Variants in RASL11B observed in about 807,000 individuals in gnomAD.
The protein encoded by RASL11B is ras-like protein family member 11B.
A neutral mutation model predicts 22.9 loss-of-function variants in RASL11B; 14 were observed. That is an observed-to-expected ratio of 0.61 (90% CI 0.40 to 0.96). The LOEUF (loss-of-function observed/expected upper bound fraction) is 0.96. Among genes scored for constraint, RASL11B ranks in the 40% least tolerant of loss-of-function variants. RASL11B has a pLI of 0.00. For missense variants in RASL11B, 261 were observed against 322.0 expected (o/e 0.81, Z 1.45); for synonymous variants, 143 against 130.2 (o/e 1.10, Z -0.67).
chr4:52,863,562 G>A (rs1718202789), intron 2 of RASL11B: 1 of 548,120 alleles, frequency 1.8e-6, no homozygotes, highest in Non-Finnish European at 3.3e-6. Context: ...ATTCCCCTTG[G>A]TATGTTTTAA....
intron 1 of RASL11B, among the ~76,000 whole-genome samples, chr4:52,862,944 G>T (rs1328390628): frequency 6.6e-6 from 1 of 151,088 alleles, no homozygotes; most frequent in African/African-American, 2.4e-5. Context: ...ACAGAAAGGG[G>T]AGTTAGTGAA....
chr4:52,865,964 G>A lies in RASL11B; in HGVS notation c.*159G>A, dbSNP rs1577784082. 6.4e-6 allele frequency: 4 copies of A among 623,896 alleles called. No homozygotes were observed. The highest frequency in any genetic ancestry group is 5.5e-5 in the East Asian group (2 of 36,620). 38.6% of individuals were successfully genotyped at this position (623,896 alleles called of 1,614,324 possible). On this transcript the variant is annotated 3_prime_UTR_variant, in exon 4 of 4. Transcript: ENST00000248706. ...GTGGAACTGCTACAGAAAAGGAAGT[G>A]TTGTTCTGAGCAGGGGGACAGGATT...
chr4:52,863,148 T>C, intron 1 of RASL11B, 120 bp from the exon 2 acceptor site: 1 of 830,734 alleles, frequency 1.2e-6, no homozygotes, highest in Non-Finnish European at 2.0e-6. Flanking sequence ...AGGGTAGGAA[T>C]TTCACTTGGT....
chr4:52,863,144 G>T, intron 1 of RASL11B, 124 bp from the exon 2 acceptor site: 1 of 797,330 alleles, frequency 1.3e-6, no homozygotes. Context: ...CTACAGGGTA[G>T]GAATTTCACT....
Position 52,862,321 on chromosome 4 carries a change from TG to T in RASL11B, c.-184del. 1 of 535,010 alleles carries T rather than the reference TG, an allele frequency of 1.9e-6. No individual in the cohort carries two copies. The highest frequency in any genetic ancestry group is 3.1e-6 in the Non-Finnish European group (1 of 324,900). The allele number at this position is 535,010 out of a possible 1,614,324, so 33.1% of individuals were successfully genotyped here. On this transcript the variant is annotated 5_prime_UTR_variant, in exon 1 of 4. Transcript: ENST00000248706. ...GCCGGCGCGCCGCGCGAGTGCAGTC[TG>T]GGTCTGGAGCCTGAGCCCTGCGGAA... is the stretch of plus-strand genomic sequence containing the variant.
At position 52,865,735 on chromosome 4, in the gene RASL11B, A is replaced by C; in HGVS notation, c.677A>C (p.Asn226Thr). 6.2e-7 allele frequency: 1 copy of C among 1,614,016 alleles called. No individual in the cohort carries two copies. ...CTCATTCCCAGGCCCAAGTCACCCA[A>C]CATGCAGGACCTGAAGAGGAGGTTT... ...TSLIPRPKSP[N>T]MQDLKRRFKQ... Residue 226 changes from asparagine to threonine, a missense_variant, in exon 4 of 4, where the codon AAC becomes ACC. Transcript: ENST00000248706.
intron 3 of RASL11B, 42 bp from the exon 4 acceptor site, chr4:52,865,293 C>A: frequency 2.0e-6 from 3 of 1,519,068 alleles, no homozygotes; most frequent in South Asian, 1.2e-5. Context: ...GCTCTTTGTA[C>A]AACTGGCCAG....
At chr4:52,865,205 G>A (rs1036265044) in intron 3 of RASL11B, 130 bp from the exon 4 acceptor site, 2 of 643,814 alleles carry the variant, frequency 3.1e-6, no homozygotes, top group Non-Finnish European at 2.7e-6. Context: ...GAAGTGTGTG[G>A]GATATAAGTT....
rs142663164 is a variant in RASL11B, at chr4:52,862,547, C to A, written c.40C>A (p.Pro14Thr). The A allele has an allele frequency of 1.0e-4, 160 of 1,606,172 alleles. No individual in the cohort carries two copies. The highest frequency in any genetic ancestry group is 2.2e-4 in the Admixed American group (13 of 59,706). ...GAACATGTGCACCATCGCCGAGTAC[C>A]CCGCGCCGGGCAACGCCGCGGCCTC... ...IQNMCTIAEY[P>T]APGNAAASDC... Residue 14 changes from proline (P) to threonine (T), a missense_variant, in exon 1 of 4, where the codon CCC (proline) becomes ACC (threonine). Physicochemically the swap from Pro to Thr is conservative, Grantham distance 38. Coordinates refer to ENST00000248706, the MANE Select transcript of RASL11B (RefSeq NM_023940.3).
At chr4:52,863,703 G>C (rs1718206107) in intron 2 of RASL11B, 1 of 191,768 alleles carries the variant, frequency 5.2e-6, no homozygotes, top group African/African-American at 2.3e-5. Context: ...TTCTCTGCTG[G>C]CTGCCTTTCA....
In RASL11B at chr4:52,863,262, G is replaced by A. The variant is rs62336792; in HGVS notation, c.143-6G>A. The stretch of plus-strand genomic sequence containing the variant: ...ACACTTTGACGTTCTTTTTTCTGAC[G>A]TGCAGCACTGGTGGTCCGGTTCCTC... On this transcript the variant is annotated splice_region_variant and splice_polypyrimidine_tract_variant and intron_variant, in intron 1 of 3. Transcript: ENST00000248706. The A allele has an allele frequency of 0.096, 155,165 of 1,611,550 alleles. 8,709 individuals carry two copies. The highest frequency in any genetic ancestry group is 0.23 in the East Asian group (10,207 of 44,840).
chr4:52,864,736 G>A (rs1355062744), intron 3 of RASL11B, among the ~76,000 whole-genome samples, 182 bp downstream of exon 3: 2 of 152,184 alleles, frequency 1.3e-5, no homozygotes, highest in Non-Finnish European at 2.9e-5. Context: ...GTTTAGTTTG[G>A]GAGATTTGGC....
In RASL11B at chr4:52,866,053, T is replaced by A. The variant is rs1413932081; in HGVS notation, c.*248T>A. 1 of 520,170 alleles carries A rather than the reference T, an allele frequency of 1.9e-6. No individual in the cohort carries two copies. The highest frequency in any genetic ancestry group is 1.9e-5 in the African/African-American group (1 of 52,772). 32.2% of individuals were successfully genotyped at this position (520,170 alleles called of 1,614,324 possible). A position where few individuals can be genotyped will look rare whatever the true frequency, so the allele number is the denominator to read the frequency against. ...TATGTGAAATGTACTCTGTGTCTTT[T>A]CCTTTAGAGTGGGGAGGGGGCATAA... On this transcript the variant is annotated 3_prime_UTR_variant, in exon 4 of 4. Coordinates refer to ENST00000248706, the MANE Select transcript of RASL11B (RefSeq NM_023940.3).
Position 52,865,656 on chromosome 4 carries a change from G to T in RASL11B, c.598G>T (p.Glu200Ter). The change falls in exon 4 of 4, where the codon GAG becomes TAG. Residue 200 changes from glutamate (E) to a stop codon, truncating the protein, a stop_gained. Transcript: ENST00000248706. LOFTEE classifies it high-confidence loss of function. ...VYSAFHVLCK[E>*]VSHKQQPSST... ...CAGCGCCTTCCACGTCCTCTGTAAA[G>T]AGGTCAGTCACAAACAGCAGCCTAG... The T allele has an allele frequency of 6.2e-7, 1 of 1,614,180 alleles. No homozygotes were observed. The highest frequency in any genetic ancestry group is 8.5e-7 in the Non-Finnish European group (1 of 1,180,028).
At chr4:52,864,378 G>A (rs1018851285) in intron 2 of RASL11B, 100 bp from the exon 3 acceptor site, 10 of 697,724 alleles carry the variant, frequency 1.4e-5, no homozygotes, top group Non-Finnish European at 2.5e-5. Context: ...TGTTTTGTGT[G>A]CATTTATGCA....
At chr4:52,863,986 A>G (rs1170571290) in intron 2 of RASL11B, among the ~76,000 whole-genome samples, 2 of 152,240 alleles carry the variant, frequency 1.3e-5, no homozygotes, top group Non-Finnish European at 2.9e-5. Context: ...AGCTATCCCA[A>G]GATAAGACAT....
At position 52,862,655 on chromosome 4, in the gene RASL11B, T is replaced by C; in HGVS notation, c.142+6T>C. 6.4e-7 allele frequency: 1 copy of C among 1,560,172 alleles called. No homozygotes were observed. ...CAGCGGCGTGGGCAAGACCGGTGAG[T>C]CGTCGCGCTTAGCCCTGGGTCTGGT... On this transcript the variant is annotated splice_donor_region_variant and intron_variant, in intron 1 of 3. Transcript: ENST00000248706.
At chr4:52,863,247 G>C (rs761169576) in intron 1 of RASL11B, 21 bp from the exon 2 acceptor site, 1 of 1,610,972 alleles carries the variant, frequency 6.2e-7, no homozygotes, top group Non-Finnish European at 8.5e-7. Flanking sequence ...ACACTTTGAC[G>C]TTCTTTTTTC....
In RASL11B at chr4:52,865,713, A is replaced by C; in HGVS notation, c.655A>C (p.Ile219Leu). 6.2e-7 allele frequency: 1 copy of C among 1,614,072 alleles called. No homozygotes were observed. The highest frequency in any genetic ancestry group is 1.1e-5 in the South Asian group (1 of 91,074). The change falls in exon 4 of 4, where the codon ATT becomes CTT. Residue 219 changes from isoleucine (I) to leucine (L), a missense_variant. Physicochemically the swap from Ile to Leu is conservative, Grantham distance 5 (BLOSUM62 2). Coordinates refer to ENST00000248706, the MANE Select transcript of RASL11B (RefSeq NM_023940.3). Reference sequence around the variant, plus strand: ...ACCCGAGAAGCGAAGAACCTCCCTCATTCCCAGGCCCAAGTCACCCAACAT... The same window carrying C: ...ACCCGAGAAGCGAAGAACCTCCCTCCTTCCCAGGCCCAAGTCACCCAACAT... ...STPEKRRTSL[I>L]PRPKSPNMQD...
Sources: allele counts gnomAD v4.1 joint callset (sites outside exome capture counted in the v4.1 genomes callset), GRCh38; gene constraint gnomAD v4.1.1; transcripts MANE v1.5; gene names NCBI Gene and HGNC (gene_info 2026-07-23, HGNC 2026-07-21).